Variants in SLC12A1 observed in about 807,000 individuals in gnomAD.
SLC12A1 encodes the protein Na-K-2Cl cotransporter.
Under a neutral mutation model 130.4 loss-of-function variants are expected in SLC12A1, and 89 were observed. That is an observed-to-expected ratio of 0.68 (90% CI 0.58 to 0.81). The LOEUF (loss-of-function observed/expected upper bound fraction) is 0.81. Ranked by LOEUF, SLC12A1 falls within the 40% of genes least tolerant of loss-of-function variation. SLC12A1 has a pLI of 0.00. For synonymous variants in SLC12A1, 499 were observed against 460.0 expected (o/e 1.08, Z -1.09); for missense variants, 1,310 against 1,336.4 (o/e 0.98, Z 0.31).
intron 20 of SLC12A1, among the ~76,000 whole-genome samples, chr15:48,282,646 A>G (rs2042020144): frequency 6.6e-6 from 1 of 152,156 alleles, no homozygotes; most frequent in Non-Finnish European, 1.5e-5. Context: ...CAGTGACAAC[A>G]AAGTCTGGGT....
intron 6 of SLC12A1, 70 bp downstream of exon 6, chr15:48,229,398 A>G (rs1480632922): frequency 3.5e-6 from 5 of 1,434,372 alleles, no homozygotes; most frequent in East Asian, 2.5e-5. Context: ...TCAGGGCACT[A>G]AGGGATATCA....
intron 1 of SLC12A1, among the ~76,000 whole-genome samples, chr15:48,207,154 C>T (rs1479476673): frequency 6.6e-6 from 1 of 152,098 alleles, no homozygotes; most frequent in Non-Finnish European, 1.5e-5. Context: ...AAATACTTTG[C>T]AGTTTCAGCA....
rs34138699 is a variant in SLC12A1, at chr15:48,264,727, C to T, written c.2155-2834C>T. Among the ~76,000 whole-genome samples the T allele has an allele frequency of 4.6e-3, 694 of 152,012 alleles. 5 individuals carry two copies. Among genetic ancestry groups the T allele is most frequent in the African/African-American group, 0.016 (674 of 41,466 alleles). On this transcript the variant is annotated intron_variant, in intron 17 of 26. Transcript: ENST00000380993. ...AACAAAGACAGACTAATAAGACTTT[C>T]AATGTTAAAAAAAAGAAAAAAGTTG...
intron 20 of SLC12A1, among the ~76,000 whole-genome samples, chr15:48,280,167 T>TAAAAAAAAAAAAAAA (rs113028863): frequency 8.0e-6 from 1 of 125,664 alleles, no homozygotes. Context: ...AAAGATATCT[T>TAAAAAAAAAAAAAAA]AAAAAAAAAA....
intron 15 of SLC12A1, among the ~76,000 whole-genome samples, chr15:48,254,769 A>G (rs1347149364): frequency 6.6e-6 from 1 of 151,860 alleles, no homozygotes; most frequent in Admixed American, 6.6e-5. Flanking sequence ...AAAAAAATAC[A>G]AAAAATTAGC....
chr15:48,264,928 T>C (rs1166361120), intron 17 of SLC12A1, among the ~76,000 whole-genome samples: 1 of 152,288 alleles, frequency 6.6e-6, no homozygotes, highest in South Asian at 2.1e-4. Flanking sequence ...TTATAATATA[T>C]ACAAGATTTT....
Position 48,241,524 on chromosome 15 carries a change from G to C in SLC12A1, c.1225G>C (p.Asp409His). Residue 409 changes from aspartate (D) to histidine (H), a missense_variant, in exon 10 of 27, where the codon GAT becomes CAT. Coordinates refer to ENST00000380993, the MANE Select transcript of SLC12A1 (RefSeq NM_000338.3). ...NISGDLEDPQ[D>H]AIPRGTMLAI... is the part of the protein sequence containing the mutation. Reference sequence around the variant, plus strand: ...CATTATTTTTTTAAAGGATCCCCAAGATGCCATCCCCAGAGGAACCATGCT... The same window carrying C: ...CATTATTTTTTTAAAGGATCCCCAACATGCCATCCCCAGAGGAACCATGCT... The C allele has an allele frequency of 6.2e-7, 1 of 1,613,082 alleles. No individual in the cohort carries two copies. The highest frequency in any genetic ancestry group is 8.5e-7 in the Non-Finnish European group (1 of 1,179,126).
intron 17 of SLC12A1, among the ~76,000 whole-genome samples, chr15:48,266,533 G>T (rs1216881603): frequency 1.3e-5 from 2 of 151,548 alleles, no homozygotes; most frequent in African/African-American, 4.9e-5. Flanking sequence ...TCTGTCTAAG[G>T]AGCAGCAGCA....
At chr15:48,270,235 C>T (rs1439724211) in intron 19 of SLC12A1, among the ~76,000 whole-genome samples, 1 of 152,168 alleles carries the variant, frequency 6.6e-6, no homozygotes, top group Non-Finnish European at 1.5e-5. Flanking sequence ...GGTGGAGCAT[C>T]ATTGGCTTGT....
intron 19 of SLC12A1, among the ~76,000 whole-genome samples, chr15:48,270,675 T>C (rs992740493): frequency 1.6e-5 from 2 of 127,868 alleles, no homozygotes; most frequent in African/African-American, 5.8e-5. Flanking sequence ...TCCAAGTATA[T>C]ATATATTATT....
At chr15:48,301,828 C>T (rs1766060951) in intron 26 of SLC12A1, among the ~76,000 whole-genome samples, 1 of 152,150 alleles carries the variant, frequency 6.6e-6, no homozygotes, top group Non-Finnish European at 1.5e-5. Flanking sequence ...AAGGCAGAGC[C>T]ATTTCCATTT....
chr15:48,257,470 C>T (rs1010131312), intron 16 of SLC12A1, among the ~76,000 whole-genome samples: 1 of 152,210 alleles, frequency 6.6e-6, no homozygotes, highest in Non-Finnish European at 1.5e-5. Flanking sequence ...GCCCCTGCAG[C>T]ACACCTCTGC....
intron 8 of SLC12A1, 99 bp downstream of exon 8, chr15:48,232,937 CT>C: frequency 1.4e-6 from 1 of 729,818 alleles, no homozygotes; most frequent in South Asian, 1.7e-5. Flanking sequence ...GAATGCCTGG[CT>C]CCCCTTTCAA....
intron 15 of SLC12A1, 60 bp from the exon 16 acceptor site, chr15:48,255,751 T>C: frequency 9.7e-7 from 1 of 1,030,486 alleles, no homozygotes; most frequent in Middle Eastern, 2.1e-4. Flanking sequence ...TGTAAAATTA[T>C]TCATGGTGCA....
intron 21 of SLC12A1, 43 bp from the exon 22 acceptor site, chr15:48,288,000 C>T: frequency 1.9e-6 from 3 of 1,582,356 alleles, no homozygotes; most frequent in Non-Finnish European, 1.7e-6. Context: ...TTTGTTTCTG[C>T]CCTCAAAAGC....
At chr15:48,273,192 A>G (rs1259068501) in intron 19 of SLC12A1, among the ~76,000 whole-genome samples, 1 of 151,142 alleles carries the variant, frequency 6.6e-6, no homozygotes. Flanking sequence ...TCCCTTCCGG[A>G]GGCTCTAGGA....
intron 8 of SLC12A1, among the ~76,000 whole-genome samples, chr15:48,234,158 G>A (rs2041411858): frequency 6.6e-6 from 1 of 152,102 alleles, no homozygotes; most frequent in Admixed American, 6.6e-5. Flanking sequence ...TGTGTTGATT[G>A]TTTATGGTAT....
At chr15:48,236,217 A>T (rs1027683554) in intron 9 of SLC12A1, among the ~76,000 whole-genome samples, 2 of 152,214 alleles carry the variant, frequency 1.3e-5, no homozygotes, top group South Asian at 4.1e-4. Flanking sequence ...CTCATTAAGA[A>T]ATATACATAC....
chr15:48,240,072 C>CATATATATATATATATAT (rs1431987341), intron 9 of SLC12A1, among the ~76,000 whole-genome samples: 1 of 52,090 alleles, frequency 1.9e-5, no homozygotes, highest in Non-Finnish European at 3.7e-5. Context: ...TATATATATC[C>CATATATATATATATATAT]ATATATATAT....
Sources: allele counts gnomAD v4.1 joint callset (sites outside exome capture counted in the v4.1 genomes callset), GRCh38; gene constraint gnomAD v4.1.1; transcripts MANE v1.5; gene names NCBI Gene and HGNC (gene_info 2026-07-23, HGNC 2026-07-21).